FNDC3B: variants seen among roughly 807,000 people sequenced by gnomAD.
FNDC3B encodes fibronectin type III domain containing 3B.
A neutral mutation model predicts 151.5 loss-of-function variants in FNDC3B; 12 were observed. That is an observed-to-expected ratio of 0.08 (90% CI 0.05 to 0.13). The LOEUF is 0.13. Ranked by LOEUF, FNDC3B falls within the 10% of genes least tolerant of loss-of-function variation. FNDC3B has a pLI of 1.00. For missense variants in FNDC3B, 1,214 were observed against 1,505.3 expected (o/e 0.81, Z 3.20); for synonymous variants, 528 against 549.0 (o/e 0.96, Z 0.54).
chr3:172,291,192 A>G (rs1388201392), intron 7 of FNDC3B, among the ~76,000 whole-genome samples: 1 of 152,236 alleles, frequency 6.6e-6, no homozygotes, highest in African/African-American at 2.4e-5. Flanking sequence ...GCTACAGGAC[A>G]ATGCGGTTTT....
chr3:172,146,792 G>A (rs1249142309), intron 3 of FNDC3B, among the ~76,000 whole-genome samples: 1 of 152,138 alleles, frequency 6.6e-6, no homozygotes, highest in African/African-American at 2.4e-5. Context: ...TATTAAAATT[G>A]CTTTTTAGCT....
intron 11 of FNDC3B, among the ~76,000 whole-genome samples, chr3:172,326,436 G>A (rs994252434): frequency 5.3e-5 from 8 of 152,104 alleles, no homozygotes; most frequent in Non-Finnish European, 7.3e-5. Context: ...AGAAAATTCG[G>A]CATGCTTTGT....
At chr3:172,382,882 A>G (rs1735532041) in intron 25 of FNDC3B, among the ~76,000 whole-genome samples, 1 of 152,136 alleles carries the variant, frequency 6.6e-6, no homozygotes, top group Non-Finnish European at 1.5e-5. Flanking sequence ...CTTGTAATAT[A>G]GTTTGAAGTC....
intron 3 of FNDC3B, among the ~76,000 whole-genome samples, chr3:172,181,395 C>CAAAAAAAAAAAAAAAAAAAA (rs755223783): frequency 2.8e-5 from 2 of 71,530 alleles, no homozygotes; most frequent in African/African-American, 1.2e-4. Context: ...ACTCTGTCTC[C>CAAAAAAAAAAAAAAAAAAAA]AAAAAAAAAA....
rs1735406996 is a variant in FNDC3B at position 172,380,987 on chromosome 3, A to G, written c.3197A>G (p.Glu1066Gly). ...TCAGCACCTCGAGTAACACAGTTAG[A>G]AGGAAATTCATGTGAAATTTTATGG... ...TIKAPRVTQL[E>G]GNSCEILWET... Residue 1066 changes from glutamate to glycine, a missense_variant, in exon 25 of 26, where the codon GAA becomes GGA. This residue lies in a region of FNDC3B where 284 missense variants were observed against 392.4 expected (regional missense o/e 0.72). Transcript: ENST00000415807. The G allele has an allele frequency of 1.2e-6, 2 of 1,613,518 alleles. No individual in the cohort carries two copies. Among genetic ancestry groups the G allele is most frequent in the Admixed American group, 1.7e-5 (1 of 60,002 alleles).
intron 22 of FNDC3B, among the ~76,000 whole-genome samples, chr3:172,360,939 A>AT (rs1291833604): frequency 6.6e-6 from 1 of 151,900 alleles, no homozygotes; most frequent in Non-Finnish European, 1.5e-5. Context: ...ACATCACTTT[A>AT]TTTTTTTAAT....
At chr3:172,055,799 T>G (rs78233440) in intron 1 of FNDC3B, among the ~76,000 whole-genome samples, 1 of 151,724 alleles carries the variant, frequency 6.6e-6, no homozygotes, top group African/African-American at 2.4e-5. Context: ...TTTTTTTTTT[T>G]AGACGGAGTC....
At chr3:172,292,053 G>A (rs1730368535) in intron 7 of FNDC3B, among the ~76,000 whole-genome samples, 1 of 152,154 alleles carries the variant, frequency 6.6e-6, no homozygotes, top group Non-Finnish European at 1.5e-5. Context: ...TCAGTTTCTG[G>A]AATCAGCCTT....
In FNDC3B at chr3:172,394,332, A is replaced by G. The variant is rs201877883; in HGVS notation, c.3304-2832A>G. Reference sequence around the variant, plus strand: ...AGGAGACTAGAAAAACAGTACAAAGATCAACAAAACTAAGAGTTGTTTTTC... The same window carrying G: ...AGGAGACTAGAAAAACAGTACAAAGGTCAACAAAACTAAGAGTTGTTTTTC... On this transcript the variant is annotated intron_variant, in intron 25 of 25. Coordinates refer to ENST00000415807, the MANE Select transcript of FNDC3B (RefSeq NM_022763.4). 2.2e-4 allele frequency among the ~76,000 whole-genome samples: 33 copies of G among 152,102 alleles called. No individual in the cohort carries two copies. In the East Asian group the frequency reaches 6.0e-3, roughly 28 times the overall value.
At chr3:172,146,430 G>C (rs1721909786) in intron 3 of FNDC3B, among the ~76,000 whole-genome samples, 1 of 152,224 alleles carries the variant, frequency 6.6e-6, no homozygotes, top group African/African-American at 2.4e-5. Flanking sequence ...TAGGCTAGTT[G>C]TAGGGAAGTG....
chr3:172,166,728 T>C (rs1221814305), intron 3 of FNDC3B, among the ~76,000 whole-genome samples: 1 of 150,278 alleles, frequency 6.7e-6, no homozygotes, highest in East Asian at 2.0e-4. Flanking sequence ...GAATAGCCAC[T>C]GCATTACAGC....
intron 2 of FNDC3B, among the ~76,000 whole-genome samples, chr3:172,132,677 C>T (rs538818228): frequency 2.6e-5 from 4 of 152,274 alleles, no homozygotes; most frequent in East Asian, 3.9e-4. Context: ...GGATTACAGG[C>T]GTGAGCCACC....
intron 1 of FNDC3B, among the ~76,000 whole-genome samples, chr3:172,059,723 A>G (rs1717096070): frequency 6.6e-6 from 1 of 152,242 alleles, no homozygotes; most frequent in South Asian, 2.1e-4. Flanking sequence ...TAATCATGGA[A>G]AACATTAATA....
chr3:172,127,558 GA>G (rs11342991), intron 2 of FNDC3B, among the ~76,000 whole-genome samples: 107,137 of 152,028 alleles, frequency 0.7, 37,851 homozygotes, highest in East Asian at 0.75. Context: ...AATCATTGTA[GA>G]AAAAAAACCT....
chr3:172,310,318 C>G (rs1011165417), intron 10 of FNDC3B, among the ~76,000 whole-genome samples: 2 of 152,164 alleles, frequency 1.3e-5, no homozygotes, highest in African/African-American at 4.8e-5. Context: ...TCCAGAGGAT[C>G]ACATTTTTTC....
chr3:172,208,502 T>C (rs181375252), intron 3 of FNDC3B, among the ~76,000 whole-genome samples: 40 of 152,314 alleles, frequency 2.6e-4, no homozygotes, highest in African/African-American at 8.4e-4. Context: ...TGGTTTATTT[T>C]TATTATTTAT....
At chr3:172,305,788 A>G (rs1020327393) in intron 9 of FNDC3B, among the ~76,000 whole-genome samples, 1 of 152,202 alleles carries the variant, frequency 6.6e-6, no homozygotes, top group Non-Finnish European at 1.5e-5. Flanking sequence ...AGCCCTGCCC[A>G]TGTCTGGAAC....
chr3:172,373,421 C>A (rs1560105167), intron 23 of FNDC3B, among the ~76,000 whole-genome samples: 1 of 152,202 alleles, frequency 6.6e-6, no homozygotes, highest in Non-Finnish European at 1.5e-5. Flanking sequence ...GGTCATTCTA[C>A]ATATAAGAGG....
At chr3:172,337,675 C>CTTTGG (rs561424434) in intron 16 of FNDC3B, 1 of 396,598 alleles carries the variant, frequency 2.5e-6, no homozygotes, top group African/African-American at 2.1e-5. Flanking sequence ...GTTTTTGTTT[C>CTTTGG]TTTGGTTTGG....
Sources: gnomAD v4.1 joint callset for allele counts (sites outside exome capture counted in the v4.1 genomes callset) on GRCh38, gnomAD v4.1.1 for gene constraint, gnomAD v4.1.1 regional missense constraint, MANE v1.5 for transcripts, NCBI Gene and HGNC (gene_info 2026-07-23, HGNC 2026-07-21) for gene names.